Variants in PHACTR1 observed in about 807,000 individuals in gnomAD.
PHACTR1 encodes phosphatase and actin regulator 1, also known as RPEL repeat containing 1.
In PHACTR1, 16 loss-of-function variants were observed where a neutral mutation model predicts 69.2. The observed-to-expected ratio is 0.23, with a 90% CI of 0.16 to 0.35. The LOEUF (loss-of-function observed/expected upper bound fraction) is 0.35. PHACTR1 is among the 10% of genes least tolerant of loss of function. PHACTR1 has a pLI of 1.00. For missense variants in PHACTR1, 510 were observed against 734.7 expected (o/e 0.69, Z 3.54); for synonymous variants, 312 against 284.5 (o/e 1.10, Z -0.97).
At chr6:13,272,232 G>A (rs922327061) in intron 10 of PHACTR1, 1 of 152,502 alleles carries the variant, frequency 6.6e-6, no homozygotes, top group Non-Finnish European at 1.5e-5. Flanking sequence ...CGTCATTGCA[G>A]GCTCATGCCC....
At chr6:12,786,998 G>A (rs1581744078) in intron 4 of PHACTR1, among the ~76,000 whole-genome samples, 1 of 152,238 alleles carries the variant, frequency 6.6e-6, no homozygotes. Context: ...TGTTAAAGCA[G>A]GAGCAAAATA....
chr6:12,786,216 A>G (rs1360310361), intron 4 of PHACTR1, among the ~76,000 whole-genome samples: 1 of 152,152 alleles, frequency 6.6e-6, no homozygotes, highest in East Asian at 1.9e-4. Context: ...TGGGTTTCTC[A>G]TGCTACTCAT....
intron 4 of PHACTR1, among the ~76,000 whole-genome samples, chr6:12,983,131 G>A (rs1036630643): frequency 2.6e-5 from 4 of 152,092 alleles, no homozygotes; most frequent in African/African-American, 9.7e-5. Flanking sequence ...GCAAACTCAA[G>A]GAAATACAAA....
intron 4 of PHACTR1, among the ~76,000 whole-genome samples, chr6:12,821,284 A>G (rs933659113): frequency 6.6e-6 from 1 of 152,112 alleles, no homozygotes; most frequent in Non-Finnish European, 1.5e-5. Flanking sequence ...CAACATGGTG[A>G]AACCCCGTCT....
Position 12,928,074 on chromosome 6 carries a change from G to C in PHACTR1, c.251-125291G>C, listed in dbSNP as rs1015966376. On this transcript the variant is annotated intron_variant, in intron 4 of 14. Coordinates refer to ENST00000332995, the MANE Select transcript of PHACTR1 (RefSeq NM_030948.6). ...GAATAAGCCATGGAGCCCCTCTGTC[G>C]ACTCAGACTAGGAGGGGCAGCACAG... is the stretch of plus-strand genomic sequence containing the variant. Among the ~76,000 whole-genome samples, 5 of 110,018 alleles carry C rather than the reference G, an allele frequency of 4.5e-5. No individual in the cohort carries two copies. The African/African-American group carries it at 4.6e-4, about 10-fold the overall frequency. The allele number at this position is 110,018 out of a possible 152,430, so 72.2% of individuals were successfully genotyped here. A position where few individuals can be genotyped will look rare whatever the true frequency, so the allele number is the denominator to read the frequency against.
intron 4 of PHACTR1, among the ~76,000 whole-genome samples, chr6:12,853,724 G>T (rs2127762228): frequency 6.6e-6 from 1 of 152,314 alleles, no homozygotes; most frequent in East Asian, 1.9e-4. Context: ...AAACCCATCA[G>T]ATCTTGTGAG....
At chr6:12,884,313 C>G (rs1783410667) in intron 4 of PHACTR1, among the ~76,000 whole-genome samples, 1 of 151,992 alleles carries the variant, frequency 6.6e-6, no homozygotes, top group Non-Finnish European at 1.5e-5. Flanking sequence ...ACATTTGTAA[C>G]TTAGCACAAA....
intron 5 of PHACTR1, among the ~76,000 whole-genome samples, chr6:13,100,519 C>A (rs1371363328): frequency 6.6e-6 from 1 of 152,168 alleles, no homozygotes. Context: ...TACCTGAGTA[C>A]CACACTGTTG....
intron 5 of PHACTR1, among the ~76,000 whole-genome samples, chr6:13,102,330 C>T (rs562928260): frequency 3.9e-5 from 6 of 152,226 alleles, no homozygotes; most frequent in African/African-American, 7.2e-5. Context: ...CTCTTTGGCT[C>T]GGAGTAAGGG....
chr6:13,271,629 C>G (rs138909751), intron 10 of PHACTR1, among the ~76,000 whole-genome samples: 1 of 152,166 alleles, frequency 6.6e-6, no homozygotes, highest in African/African-American at 2.4e-5. Flanking sequence ...TTTAAATCAT[C>G]TCTAAATTAC....
intron 10 of PHACTR1, among the ~76,000 whole-genome samples, chr6:13,248,257 A>G (rs996250693): frequency 5.3e-5 from 8 of 152,250 alleles, no homozygotes; most frequent in African/African-American, 1.9e-4. Context: ...CCACTGGGAT[A>G]TGCTCAGGCA....
intron 4 of PHACTR1, among the ~76,000 whole-genome samples, chr6:12,937,005 G>C (rs1246982551): frequency 3.3e-5 from 5 of 152,092 alleles, no homozygotes; most frequent in African/African-American, 1.2e-4. Context: ...TAAGATTTCT[G>C]TTCTTTGTTT....
intron 6 of PHACTR1, among the ~76,000 whole-genome samples, chr6:13,178,792 G>A (rs1377000481): frequency 6.6e-6 from 1 of 152,190 alleles, no homozygotes; most frequent in Admixed American, 6.5e-5. Flanking sequence ...AGTGAACACT[G>A]TCTCATCCAC....
At chr6:12,730,119 T>C (rs1315884981) in intron 3 of PHACTR1, among the ~76,000 whole-genome samples, 1 of 152,204 alleles carries the variant, frequency 6.6e-6, no homozygotes, top group Admixed American at 6.5e-5. Context: ...TATGGAGATC[T>C]TGGAAAACCA....
intron 10 of PHACTR1, among the ~76,000 whole-genome samples, chr6:13,269,308 G>GTT (rs973254507): frequency 2.6e-5 from 4 of 152,340 alleles, no homozygotes; most frequent in African/African-American, 9.6e-5. Context: ...AGAAAGAGCT[G>GTT]TTAAGATCTT....
chr6:13,194,423 AAAGG>A (rs1275081328), intron 7 of PHACTR1, among the ~76,000 whole-genome samples: 30 of 146,386 alleles, frequency 2.0e-4, no homozygotes, highest in East Asian at 6.1e-4. Context: ...AAAAAGAAAG[AAAGG>A]AAAAAGAAAA....
intron 5 of PHACTR1, among the ~76,000 whole-genome samples, chr6:13,127,041 T>C (rs1454604835): frequency 1.3e-5 from 2 of 152,220 alleles, no homozygotes; most frequent in Admixed American, 6.5e-5. Context: ...TGAACACTTA[T>C]ATGCTGAATT....
intron 6 of PHACTR1, among the ~76,000 whole-genome samples, chr6:13,162,412 C>T (rs377387289): frequency 1.3e-5 from 2 of 151,930 alleles, no homozygotes; most frequent in African/African-American, 4.8e-5. Flanking sequence ...CAGGTGTGAG[C>T]CACCGCGCCC....
chr6:12,844,640 C>A (rs1232214111), intron 4 of PHACTR1, among the ~76,000 whole-genome samples: 2 of 151,918 alleles, frequency 1.3e-5, no homozygotes, highest in African/African-American at 4.8e-5. Flanking sequence ...TTACTATCTG[C>A]AAACACTGCA....
Sources: allele counts gnomAD v4.1 joint callset (sites outside exome capture counted in the v4.1 genomes callset), GRCh38; gene constraint gnomAD v4.1.1; transcripts MANE v1.5; gene names NCBI Gene and HGNC (gene_info 2026-07-23, HGNC 2026-07-21).